NPR3: variants seen among roughly 807,000 people sequenced by gnomAD.
NPR3 encodes the protein natriuretic peptide receptor 3.
Under a neutral mutation model 54.5 loss-of-function variants are expected in NPR3, and 34 were observed. That is an observed-to-expected ratio of 0.62 (90% CI 0.47 to 0.83). The LOEUF (loss-of-function observed/expected upper bound fraction) is 0.83, where lower values mean the gene tolerates loss of function less well. NPR3 is among the 40% of genes least tolerant of loss of function. The pLI is 0.00. For synonymous variants in NPR3, 289 were observed against 297.1 expected (o/e 0.97, Z 0.28); for missense variants, 674 against 720.8 (o/e 0.94, Z 0.74).
intron 3 of NPR3, among the ~76,000 whole-genome samples, chr5:32,764,268 T>C (rs1188823986): frequency 1.3e-5 from 2 of 152,100 alleles, no homozygotes; most frequent in South Asian, 2.1e-4. Context: ...AATTACCCCC[T>C]TGATATCAGC....
At chr5:32,774,032 C>T (rs1741906809) in intron 3 of NPR3, among the ~76,000 whole-genome samples, 1 of 152,152 alleles carries the variant, frequency 6.6e-6, no homozygotes, top group Non-Finnish European at 1.5e-5. Context: ...TGGGATATAC[C>T]AACAGTCCAA....
chr5:32,781,088 C>T (rs1742317025), intron 5 of NPR3, among the ~76,000 whole-genome samples: 2 of 150,870 alleles, frequency 1.3e-5, no homozygotes, highest in Non-Finnish European at 3.0e-5. Context: ...TAAAGTGAAA[C>T]TTTATTTCCT....
chr5:32,738,710 C>G (rs945321050), intron 2 of NPR3, among the ~76,000 whole-genome samples, 154 bp from the exon 3 acceptor site: 2 of 152,202 alleles, frequency 1.3e-5, no homozygotes, highest in African/African-American at 4.8e-5. Flanking sequence ...ATGGTCTTGA[C>G]GTTGTCCCAT....
Position 32,786,971 on chromosome 5 carries a change from G to A in NPR3, c.*626G>A, listed in dbSNP as rs1742673101. 6.6e-6 allele frequency: 1 copy of A among 152,330 alleles called. No homozygotes were observed. Among genetic ancestry groups the A allele is most frequent in the Non-Finnish European group, 1.5e-5 (1 of 67,986 alleles). 9.4% of individuals were successfully genotyped at this position (152,330 alleles called of 1,614,324 possible). A position where few individuals can be genotyped will look rare whatever the true frequency, so the allele number is the denominator to read the frequency against. ...ACTCTGGATTGTTGTAAATATTAGTGAGATGGGAGGATTTACAGAAGAAAA... is the reference window on the plus strand; with the variant it reads ...ACTCTGGATTGTTGTAAATATTAGTAAGATGGGAGGATTTACAGAAGAAAA... On this transcript the variant is annotated 3_prime_UTR_variant, in exon 8 of 8. Transcript: ENST00000265074.
rs1460625198 is a variant in NPR3 at position 32,776,706 on chromosome 5, G to A, written c.1195+1863G>A. ...GAGCACCTACTATGTGCCAGGTGCT[G>A]TTCAAGGTGCTGAGGATTCAGCAGT... On this transcript the variant is annotated intron_variant, in intron 4 of 7. Coordinates refer to ENST00000265074, the MANE Select transcript of NPR3 (RefSeq NM_001204375.2). Among the ~76,000 whole-genome samples the A allele has an allele frequency of 2.6e-5, 4 of 152,202 alleles. No homozygotes were observed. The East Asian group carries it at 7.7e-4, about 29-fold the overall frequency.
rs761970102 is a variant in NPR3 at position 32,774,821 on chromosome 5, G to C, written c.1173G>C (p.Gln391His). 1 of 1,611,706 alleles carries C rather than the reference G, an allele frequency of 6.2e-7. No individual in the cohort carries two copies. ...AGGATGGAGGGAAAATTATACAGCA[G>C]ACTTGGAACAGAACATTTGAAGGTG... is the stretch of plus-strand genomic sequence containing the variant. ...SKKDGGKIIQ[Q>H]TWNRTFEGIA... is the part of the protein sequence containing the mutation. The change falls in exon 4 of 8, where the codon CAG (glutamine) becomes CAC (histidine). Residue 391 changes from glutamine (Q) to histidine (H), a missense_variant. Gln to His is a conservative substitution (Grantham distance 24). Transcript: ENST00000265074.
In NPR3 at chr5:32,739,177, G is replaced by T. The variant is rs1739912461; in HGVS notation, c.1059+147G>T. The T allele has an allele frequency of 6.0e-6, 4 of 664,762 alleles. No homozygotes were observed. The South Asian group carries it at 8.7e-5, about 14-fold the overall frequency. 41.2% of individuals were successfully genotyped at this position (664,762 alleles called of 1,614,324 possible). Reference sequence around the variant, plus strand: ...TCACTGTTGCCTTCTGTGTGTGTGTGTGTGTGTTTTTTTTTTTTCCTTTCT... The same window carrying T: ...TCACTGTTGCCTTCTGTGTGTGTGTTTGTGTGTTTTTTTTTTTTCCTTTCT... On this transcript the variant is annotated intron_variant, in intron 3 of 7. Coordinates refer to ENST00000265074, the MANE Select transcript of NPR3 (RefSeq NM_001204375.2).
chr5:32,774,592 C>A (rs1741942296), intron 3 of NPR3, 116 bp from the exon 4 acceptor site: 1 of 772,436 alleles, frequency 1.3e-6, no homozygotes, highest in Non-Finnish European at 2.3e-6. Flanking sequence ...TTCTGCCCAC[C>A]TCTGCCATGG....
Position 32,762,494 on chromosome 5 carries a change from C to T in NPR3, c.1060-12214C>T, listed in dbSNP as rs1028362615. Among the ~76,000 whole-genome samples, 23 of 132,452 alleles carry T rather than the reference C, an allele frequency of 1.7e-4. 1 individual carries two copies. Among genetic ancestry groups the T allele is most frequent in the African/African-American group, 4.5e-4 (18 of 39,742 alleles). 86.9% of individuals were successfully genotyped at this position (132,452 alleles called of 152,430 possible). On this transcript the variant is annotated intron_variant, in intron 3 of 7. Coordinates refer to ENST00000265074, the MANE Select transcript of NPR3 (RefSeq NM_001204375.2). ...TTTTAATGATCACCATTCTAACTGG[C>T]GTGAGGTGGTATCTCATTGTGGTTT...
intron 1 of NPR3, among the ~76,000 whole-genome samples, chr5:32,717,289 T>C (rs1417835300): frequency 2.6e-5 from 4 of 152,296 alleles, no homozygotes; most frequent in Non-Finnish European, 5.9e-5. Context: ...TCTTTCCTAT[T>C]GTGAATAGTG....
intron 3 of NPR3, among the ~76,000 whole-genome samples, chr5:32,744,247 TC>T (rs935779878): frequency 2.0e-4 from 30 of 152,250 alleles, no homozygotes; most frequent in Admixed American, 3.3e-4. Context: ...TGCCTCAGCC[TC>T]CCAAAGTGCT....
chr5:32,747,648 A>G (rs1045479456), intron 3 of NPR3, among the ~76,000 whole-genome samples: 6 of 151,978 alleles, frequency 3.9e-5, no homozygotes, highest in Non-Finnish European at 7.4e-5. Flanking sequence ...TATTTCTCCA[A>G]TACCACCTGG....
intron 1 of NPR3, among the ~76,000 whole-genome samples, chr5:32,695,544 A>C (rs898788928): frequency 6.6e-6 from 1 of 152,248 alleles, no homozygotes; most frequent in Non-Finnish European, 1.5e-5. Context: ...CTGGGATTAC[A>C]GGCGTAAGCC....
rs1302067832 is a variant in NPR3, at chr5:32,756,600, T to G, written c.1059+17570T>G. The stretch of plus-strand genomic sequence containing the variant: ...TTTCTTTTGCTGTGCAGAAGCTCTT[T>G]AGTTTAATGAGATCCCATTTGTCAA... On this transcript the variant is annotated intron_variant, in intron 3 of 7. Coordinates refer to ENST00000265074, the MANE Select transcript of NPR3 (RefSeq NM_001204375.2). Among the ~76,000 whole-genome samples the G allele has an allele frequency of 2.6e-5, 4 of 152,240 alleles. No homozygotes were observed. The East Asian group carries it at 5.8e-4, about 22-fold the overall frequency.
chr5:32,704,781 C>A (rs142681422), upstream of NPR3, among the ~76,000 whole-genome samples: 16 of 152,312 alleles, frequency 1.1e-4, no homozygotes, highest in East Asian at 2.3e-3. Flanking sequence ...GCACATGGCC[C>A]AGTGCCCATT....
At chr5:32,765,101 GT>G (rs1741383526) in intron 3 of NPR3, among the ~76,000 whole-genome samples, 1 of 152,110 alleles carries the variant, frequency 6.6e-6, no homozygotes, top group African/African-American at 2.4e-5. Context: ...TTGTTACTAG[GT>G]TGGTGCATTA....
intron 3 of NPR3, among the ~76,000 whole-genome samples, chr5:32,744,914 T>G (rs1740218417): frequency 6.6e-6 from 1 of 152,212 alleles, no homozygotes; most frequent in Non-Finnish European, 1.5e-5. Flanking sequence ...TGCCCACTCT[T>G]GCATTCCCCT....
Position 32,786,714 on chromosome 5 carries a change from G to C in NPR3, c.*369G>C, listed in dbSNP as rs767443017. The C allele has an allele frequency of 5.2e-6, 1 of 192,366 alleles. No homozygotes were observed. The highest frequency in any genetic ancestry group is 6.4e-5 in the Admixed American group (1 of 15,658). The allele number at this position is 192,366 out of a possible 1,614,324, so 11.9% of individuals were successfully genotyped here. ...GTTTTCTTAAATGAAATGTTTTGTA[G>C]CTAGAATAAAATCATTTTTACAAGT... On this transcript the variant is annotated 3_prime_UTR_variant, in exon 8 of 8. Coordinates refer to ENST00000265074, the MANE Select transcript of NPR3 (RefSeq NM_001204375.2).
intron 3 of NPR3, among the ~76,000 whole-genome samples, chr5:32,742,712 G>A (rs1319379261): frequency 6.6e-6 from 1 of 152,018 alleles, no homozygotes; most frequent in African/African-American, 2.4e-5. Context: ...TTTGCTGTGG[G>A]GTTCGGGGGA....
Sources: allele counts gnomAD v4.1 joint callset (sites outside exome capture counted in the v4.1 genomes callset), GRCh38; gene constraint gnomAD v4.1.1; transcripts MANE v1.5; gene names NCBI Gene and HGNC (gene_info 2026-07-23, HGNC 2026-07-21).